The following PLPPR5 variants were observed in gnomAD, a reference collection of about 807,000 sequenced individuals.
PLPPR5 encodes phospholipid phosphatase-related protein type 5.
A neutral mutation model predicts 33.9 loss-of-function variants in PLPPR5; 16 were observed. That is an observed-to-expected ratio of 0.47 (90% confidence interval 0.32 to 0.72). The LOEUF (loss-of-function observed/expected upper bound fraction) is 0.72, where lower values mean the gene tolerates loss of function less well. Among genes scored for constraint, PLPPR5 ranks in the 30% least tolerant of loss-of-function variants. The pLI is 0.03. For missense variants in PLPPR5, 301 were observed against 406.7 expected (o/e 0.74, Z 2.23); for synonymous variants, 163 against 150.3 (o/e 1.08, Z -0.62).
intron 1 of PLPPR5, among the ~76,000 whole-genome samples, chr1:98,966,779 A>C (rs1421480656): frequency 6.6e-6 from 1 of 152,214 alleles, no homozygotes; most frequent in Non-Finnish European, 1.5e-5. Context: ...TGAAGCTGCC[A>C]TCCCACCCAC....
At chr1:98,949,237 AC>A (rs1206380369) in intron 3 of PLPPR5, among the ~76,000 whole-genome samples, 1 of 151,886 alleles carries the variant, frequency 6.6e-6, no homozygotes, top group African/African-American at 2.4e-5. Flanking sequence ...TTCCCGGAGA[AC>A]CAATGGTACT....
At chr1:98,973,820 T>G (rs1651747126) in intron 1 of PLPPR5, among the ~76,000 whole-genome samples, 2 of 150,630 alleles carry the variant, frequency 1.3e-5, no homozygotes, top group Admixed American at 1.3e-4. Context: ...GGGACCATGA[T>G]GTAAATGGTT....
intron 1 of PLPPR5, among the ~76,000 whole-genome samples, chr1:98,994,260 G>C (rs1405916851): frequency 6.6e-6 from 1 of 151,484 alleles, no homozygotes; most frequent in Non-Finnish European, 1.5e-5. Flanking sequence ...GAGGGGAGAG[G>C]GCAGCAAGAA....
chr1:98,915,929 G>T lies in PLPPR5; in HGVS notation c.799-1009C>A, dbSNP rs377255862. Among the ~76,000 whole-genome samples the T allele has an allele frequency of 2.0e-4, 30 of 152,214 alleles. No homozygotes were observed. In the Middle Eastern group the frequency reaches 0.01, roughly 52 times the overall value. On this transcript the variant is annotated intron_variant, in intron 4 of 5. Transcript: ENST00000263177. ...AATAAACAAGGTATTCTTGGTAAAG[G>T]TATTCTTGAGTTTTATTTTCTGTGT...
chr1:98,957,698 T>C (rs1288769436), intron 1 of PLPPR5, among the ~76,000 whole-genome samples: 1 of 152,244 alleles, frequency 6.6e-6, no homozygotes, highest in Non-Finnish European at 1.5e-5. Flanking sequence ...CATAATATAC[T>C]ACTTATACTT....
intron 5 of PLPPR5, among the ~76,000 whole-genome samples, chr1:98,894,273 C>T (rs1434545569): frequency 6.6e-6 from 1 of 152,046 alleles, no homozygotes; most frequent in Admixed American, 6.6e-5. Context: ...ATGAAAATGT[C>T]TGGAAATTCA....
intron 1 of PLPPR5, among the ~76,000 whole-genome samples, chr1:99,000,595 C>A (rs1652803899): frequency 7.1e-6 from 1 of 141,560 alleles, no homozygotes; most frequent in Admixed American, 7.0e-5. Flanking sequence ...TGTCCTAACT[C>A]AAATTCCATT....
intron 3 of PLPPR5, among the ~76,000 whole-genome samples, chr1:98,943,263 G>A (rs769071423): frequency 3.3e-5 from 5 of 152,096 alleles, no homozygotes; most frequent in Non-Finnish European, 5.9e-5. Context: ...GAGGCATCAG[G>A]TCCCCAGAGG....
intron 1 of PLPPR5, among the ~76,000 whole-genome samples, chr1:98,992,590 T>C (rs927996738): frequency 1.3e-5 from 2 of 152,170 alleles, no homozygotes; most frequent in African/African-American, 4.8e-5. Context: ...GTAGTGTTAC[T>C]TTTTGTCTGA....
Position 98,892,597 on chromosome 1 carries a change from T to C in PLPPR5, c.*475A>G, listed in dbSNP as rs985794258. 2.6e-5 allele frequency: 4 copies of C among 153,024 alleles called. No individual in the cohort carries two copies. Among genetic ancestry groups the C allele is most frequent in the African/African-American group, 9.7e-5 (4 of 41,412 alleles). The allele number at this position is 153,024 out of a possible 1,614,324, so 9.5% of individuals were successfully genotyped here. ...AGAATGGAAATAATGTCATGCTGAA[T>C]AACAAAATAAAAACCCCCATGACTT... On this transcript the variant is annotated 3_prime_UTR_variant, in exon 6 of 6. Coordinates refer to ENST00000263177, the MANE Select transcript of PLPPR5 (RefSeq NM_001037317.2).
rs1391269223 is a variant in PLPPR5, at chr1:98,939,288, A to AGC, written c.621+13781_621+13782insGC. Reference sequence around the variant, plus strand: ...TTATTACTGAAAATAATTTTTCCATATAGAGGAAGGGATGCTAAAAGTGAT... The same window carrying AGC: ...TTATTACTGAAAATAATTTTTCCATAGCTAGAGGAAGGGATGCTAAAAGTGAT... On this transcript the variant is annotated intron_variant, in intron 3 of 5. Coordinates refer to ENST00000263177, the MANE Select transcript of PLPPR5 (RefSeq NM_001037317.2). Among the ~76,000 whole-genome samples, 199 of 148,502 alleles carry AGC rather than the reference A, an allele frequency of 1.3e-3. 3 individuals carry two copies. Among genetic ancestry groups the AGC allele is most frequent in the Admixed American group, 2.1e-3 (31 of 14,856 alleles).
At chr1:98,907,989 G>A (rs1648971914) in intron 5 of PLPPR5, among the ~76,000 whole-genome samples, 1 of 152,206 alleles carries the variant, frequency 6.6e-6, no homozygotes, top group African/African-American at 2.4e-5. Context: ...CATCTGGCAT[G>A]AACCCCTAAT....
chr1:98,995,995 A>G (rs1426392882), intron 1 of PLPPR5, among the ~76,000 whole-genome samples: 1 of 151,924 alleles, frequency 6.6e-6, no homozygotes, highest in East Asian at 1.9e-4. Flanking sequence ...ATGGAAATGT[A>G]AATAAAATAC....
At chr1:99,001,603 C>T (rs1376846727) in intron 1 of PLPPR5, among the ~76,000 whole-genome samples, 1 of 146,258 alleles carries the variant, frequency 6.8e-6, no homozygotes, top group Non-Finnish European at 1.5e-5. Flanking sequence ...AATCTGTAGA[C>T]TGTGGTAGTG....
At chr1:98,960,099 G>A (rs548243458) in intron 1 of PLPPR5, among the ~76,000 whole-genome samples, 1 of 151,978 alleles carries the variant, frequency 6.6e-6, no homozygotes, top group East Asian at 1.9e-4. Context: ...AGCTCACTGT[G>A]ATATCCATGG....
chr1:98,997,059 T>C (rs1652655923), intron 1 of PLPPR5, among the ~76,000 whole-genome samples: 1 of 152,180 alleles, frequency 6.6e-6, no homozygotes, highest in African/African-American at 2.4e-5. Flanking sequence ...AAAGAGTAAA[T>C]GGTTTACCTC....
At position 98,892,757 on chromosome 1, in the gene PLPPR5, A is replaced by C; in HGVS notation, c.*315T>G. 3.8e-6 allele frequency: 1 copy of C among 260,380 alleles called. No homozygotes were observed. The highest frequency in any genetic ancestry group is 7.2e-6 in the Non-Finnish European group (1 of 138,924). 16.1% of individuals were successfully genotyped at this position (260,380 alleles called of 1,614,324 possible). ...AGAGATTTCTTTTAACATAATTGCA[A>C]TGATTCTGTGAGAAACTAAAGTGAA... On this transcript the variant is annotated 3_prime_UTR_variant, in exon 6 of 6. Coordinates refer to ENST00000263177, the MANE Select transcript of PLPPR5 (RefSeq NM_001037317.2).
chr1:98,994,214 G>A (rs183563558), intron 1 of PLPPR5, among the ~76,000 whole-genome samples: 2 of 151,912 alleles, frequency 1.3e-5, no homozygotes, highest in African/African-American at 2.4e-5. Flanking sequence ...AAAGAAGGGG[G>A]AAATGAAGGG....
chr1:98,952,144 T>C (rs1650806528), intron 3 of PLPPR5, among the ~76,000 whole-genome samples: 1 of 151,794 alleles, frequency 6.6e-6, no homozygotes, highest in Non-Finnish European at 1.5e-5. Flanking sequence ...ACACCTGTAG[T>C]CCCAGCTACT....
Sources: allele counts gnomAD v4.1 joint callset (sites outside exome capture counted in the v4.1 genomes callset), GRCh38; gene constraint gnomAD v4.1.1; transcripts MANE v1.5; gene names NCBI Gene and HGNC (gene_info 2026-07-23, HGNC 2026-07-21).